SPDL1: variants seen among roughly 807,000 people sequenced by gnomAD.
The protein encoded by SPDL1 is protein Spindly.
A neutral mutation model predicts 79.5 loss-of-function variants in SPDL1; 85 were observed. The ratio of observed to expected loss-of-function variants is 1.07; its 90% CI spans 0.90 to 1.28. The LOEUF (loss-of-function observed/expected upper bound fraction) is 1.28. SPDL1 is among the 50% of genes most tolerant of loss of function. The probability of loss-of-function intolerance (pLI) is 0.00; values close to 1 mark genes in which losing one functional copy is unlikely to be tolerated. For missense variants in SPDL1, 703 were observed against 697.8 expected (o/e 1.01, Z -0.08); for synonymous variants, 269 against 240.3 (o/e 1.12, Z -1.10).
chr5:169,603,555 T>A (rs1756039330), intron 11 of SPDL1, among the ~76,000 whole-genome samples: 1 of 152,152 alleles, frequency 6.6e-6, no homozygotes. Flanking sequence ...AAGATATTCT[T>A]TAGACTTAAA....
At chr5:169,589,252 C>T (rs1316585844) in intron 2 of SPDL1, among the ~76,000 whole-genome samples, 1 of 152,210 alleles carries the variant, frequency 6.6e-6, no homozygotes, top group Non-Finnish European at 1.5e-5. Flanking sequence ...TCACCATCAT[C>T]ACTCCTAGAC....
In SPDL1 at chr5:169,594,597, AC is replaced by A; in HGVS notation, c.808del (p.Arg270ValfsTer6). On this transcript the variant is annotated frameshift_variant, in exon 7 of 12. Transcript: ENST00000265295. LOFTEE classifies it high-confidence loss of function. ...EVEDRRAAME[R>X]QLISMKVKYQ... ...TGGAAGATCGAAGGGCAGCAATGGA[AC>A]GTCAGCTCATCAGTATGAAAGTCAA... 6.2e-7 allele frequency: 1 copy of A among 1,614,008 alleles called. No individual in the cohort carries two copies. The highest frequency in any genetic ancestry group is 8.5e-7 in the Non-Finnish European group (1 of 1,179,872).
intron 1 of SPDL1, among the ~76,000 whole-genome samples, chr5:169,585,655 T>G (rs1754952315): frequency 6.6e-6 from 1 of 152,244 alleles, no homozygotes; most frequent in Non-Finnish European, 1.5e-5. Flanking sequence ...GCTGGCCGTA[T>G]CATGTACAGG....
intron 9 of SPDL1, among the ~76,000 whole-genome samples, 163 bp from the exon 10 acceptor site, chr5:169,598,809 A>G (rs1312585308): frequency 2.0e-5 from 3 of 152,224 alleles, no homozygotes; most frequent in African/African-American, 4.8e-5. Flanking sequence ...TAACACTACT[A>G]TTGTTAAGGA....
chr5:169,596,437 CTAATT>C, intron 7 of SPDL1, 119 bp from the exon 8 acceptor site: 1 of 745,556 alleles, frequency 1.3e-6, no homozygotes, highest in South Asian at 2.1e-5. Context: ...TTAGAAATAG[CTAATT>C]TAGTTTCCAA....
chr5:169,604,005 CT>C, intron 11 of SPDL1, 54 bp from the exon 12 acceptor site: 2 of 1,545,732 alleles, frequency 1.3e-6, no homozygotes, highest in Non-Finnish European at 1.7e-6. Flanking sequence ...GGGTTTGTTT[CT>C]TCAATCCTTC....
Position 169,594,308 on chromosome 5 carries a change from A to G in SPDL1, c.681+14A>G. ...AATGCCCTAGAGGTACTATGATTAC[A>G]GTAACATCATGTTTTCCAATTTATC... On this transcript the variant is annotated intron_variant, in intron 5 of 11. Coordinates refer to ENST00000265295, the MANE Select transcript of SPDL1 (RefSeq NM_017785.5). 6.2e-7 allele frequency: 1 copy of G among 1,613,168 alleles called. No homozygotes were observed. The highest frequency in any genetic ancestry group is 8.5e-7 in the Non-Finnish European group (1 of 1,179,476).
At chr5:169,593,928 T>C (rs774686303) in intron 4 of SPDL1, among the ~76,000 whole-genome samples, 1 of 152,184 alleles carries the variant, frequency 6.6e-6, no homozygotes, top group Non-Finnish European at 1.5e-5. Context: ...AGCCTGAAAT[T>C]GATAGAGGAA....
Position 169,593,482 on chromosome 5 carries a change from G to T in SPDL1, c.465G>T (p.Val155=), listed in dbSNP as rs879078653. ...SEELRVMSER[V]QESMSSEMLA... ...AACTGCGCGTAATGTCTGAACGTGT[G>T]CAGGAAAGCATGTCTTCAGAGATGC... Residue 155 remains valine (V), a synonymous_variant, in exon 4 of 12, where the codon GTG becomes GTT. Transcript: ENST00000265295. 1 of 1,614,022 alleles carries T rather than the reference G, an allele frequency of 6.2e-7. No individual in the cohort carries two copies. The highest frequency in any genetic ancestry group is 8.5e-7 in the Non-Finnish European group (1 of 1,179,962).
In SPDL1 at chr5:169,591,125, A is replaced by T; in HGVS notation, c.237A>T (p.Glu79Asp). The change falls in exon 3 of 12, where the codon GAA (glutamate) becomes GAT (aspartate). Residue 79 changes from glutamate (E) to aspartate (D), a missense_variant. Physicochemically the swap from Glu to Asp is conservative, Grantham distance 45 (BLOSUM62 2). Transcript: ENST00000265295. ...KSRMLESLSCECEAIKQQQKM... is the reference protein window; with the variant it reads ...KSRMLESLSCDCEAIKQQQKM... ...GAATGTTAGAAAGTTTGAGCTGCGA[A>T]TGTGAAGCTATTAAACAACAACAAA... The T allele has an allele frequency of 1.9e-6, 3 of 1,614,088 alleles. No individual in the cohort carries two copies. Among genetic ancestry groups the T allele is most frequent in the Non-Finnish European group, 2.5e-6 (3 of 1,179,978 alleles).
chr5:169,597,907 CAG>C (rs1491246302), intron 8 of SPDL1, among the ~76,000 whole-genome samples: 1 of 152,108 alleles, frequency 6.6e-6, no homozygotes, highest in Non-Finnish European at 1.5e-5. Flanking sequence ...GGCCTTAAAT[CAG>C]GGGAATTTTA....
chr5:169,596,771 T>C, intron 8 of SPDL1, 70 bp downstream of exon 8: 2 of 1,325,998 alleles, frequency 1.5e-6, no homozygotes, highest in Non-Finnish European at 2.1e-6. Context: ...GGTTTGTTTT[T>C]TAAGTTTAAA....
chr5:169,595,459 T>C (rs1460388410), intron 7 of SPDL1, among the ~76,000 whole-genome samples: 1 of 152,216 alleles, frequency 6.6e-6, no homozygotes, highest in Admixed American at 6.5e-5. Flanking sequence ...ATTTTAACTT[T>C]GAAAGCAACA....
intron 1 of SPDL1, among the ~76,000 whole-genome samples, chr5:169,585,654 A>G (rs1754952218): frequency 6.6e-6 from 1 of 152,244 alleles, no homozygotes; most frequent in Non-Finnish European, 1.5e-5. Context: ...GGCTGGCCGT[A>G]TCATGTACAG....
In SPDL1 at chr5:169,596,670, T is replaced by G; in HGVS notation, c.1001T>G (p.Leu334Ter). 2 of 1,598,934 alleles carry G rather than the reference T, an allele frequency of 1.3e-6. No homozygotes were observed. Among genetic ancestry groups the G allele is most frequent in the Non-Finnish European group, 1.7e-6 (2 of 1,176,058 alleles). ...AAGAATGGTGAAATAAAACATCTTT[T>G]AGGTGAAATTAGAAATCTGGAGAAA... ...EQKNGEIKHL[L>*]GEIRNLEKFK... The change falls in exon 8 of 12, where the codon TTA becomes TGA. Residue 334 changes from leucine to a stop codon, truncating the protein, a stop_gained. Transcript: ENST00000265295. LOFTEE classifies it high-confidence loss of function.
chr5:169,588,149 T>A (rs567593153), intron 1 of SPDL1, among the ~76,000 whole-genome samples: 2 of 152,236 alleles, frequency 1.3e-5, no homozygotes, highest in Admixed American at 1.3e-4. Flanking sequence ...GTGAACTGTT[T>A]AGAAGCAAAA....
At position 169,604,582 on chromosome 5, in the gene SPDL1, A is replaced by C. The variant is rs1756093492; in HGVS notation, c.*375A>C. On this transcript the variant is annotated 3_prime_UTR_variant, in exon 12 of 12. Transcript: ENST00000265295. ...CCTATGTACTTTTTTTTATAAACTT[A>C]GTTTTAGACTATGTTGTAAAAATGG... 6.5e-6 allele frequency: 1 copy of C among 153,322 alleles called. No homozygotes were observed. Among genetic ancestry groups the C allele is most frequent in the South Asian group, 2.1e-4 (1 of 4,846 alleles). The allele number at this position is 153,322 out of a possible 1,614,324, so 9.5% of individuals were successfully genotyped here. A position where few individuals can be genotyped will look rare whatever the true frequency, so the allele number is the denominator to read the frequency against.
At chr5:169,596,535 T>C in intron 7 of SPDL1, 26 bp from the exon 8 acceptor site, 1 of 1,589,628 alleles carries the variant, frequency 6.3e-7, no homozygotes, top group Non-Finnish European at 8.6e-7. Context: ...TTAATTTTAT[T>C]AGAGGGGGTA....
At chr5:169,587,649 ACTTTAC>A (rs1327320634) in intron 1 of SPDL1, among the ~76,000 whole-genome samples, 2 of 152,274 alleles carry the variant, frequency 1.3e-5, no homozygotes, top group Admixed American at 6.5e-5. Context: ...GATATTTCTT[ACTTTAC>A]CTTATGAGCC....
Sources: allele counts gnomAD v4.1 joint callset (sites outside exome capture counted in the v4.1 genomes callset), GRCh38; gene constraint gnomAD v4.1.1; transcripts MANE v1.5; gene names NCBI Gene and HGNC (gene_info 2026-07-23, HGNC 2026-07-21).